Variants in ABL1 observed in about 807,000 individuals in gnomAD.
The protein encoded by ABL1 is tyrosine-protein kinase ABL1.
Under a neutral mutation model 94.7 loss-of-function variants are expected in ABL1, and 11 were observed. The observed-to-expected ratio is 0.12, with a 90% confidence interval of 0.07 to 0.19. The LOEUF is 0.19. Among genes scored for constraint, ABL1 ranks in the 10% least tolerant of loss-of-function variants. The probability of loss-of-function intolerance (pLI) is 1.00; values close to 1 mark genes in which losing one functional copy is unlikely to be tolerated. For synonymous variants in ABL1, 656 were observed against 622.4 expected, an observed-to-expected ratio of 1.05 and a Z score of -0.80; for missense variants, 1,082 against 1,489.4, an observed-to-expected ratio of 0.73 and a Z score of 4.50.
chr9:130,823,409 A>G (rs940963970), intron 1 of ABL1, among the ~76,000 whole-genome samples: 1 of 152,212 alleles, frequency 6.6e-6, no homozygotes, highest in African/African-American at 2.4e-5. Flanking sequence ...ACCTTTTAAC[A>G]TTATTACCAT....
At chr9:130,786,582 A>G (rs1214034404) in intron 1 of ABL1, among the ~76,000 whole-genome samples, 1 of 152,194 alleles carries the variant, frequency 6.6e-6, no homozygotes, top group Non-Finnish European at 1.5e-5. Context: ...CGGGCAGGGA[A>G]GTGATGATAC....
intron 1 of ABL1, among the ~76,000 whole-genome samples, chr9:130,734,283 G>A (rs1450881829): frequency 1.3e-5 from 2 of 149,302 alleles, no homozygotes; most frequent in African/African-American, 5.0e-5. Context: ...GCGCGATCTC[G>A]GCTCACTGCC....
At chr9:130,771,752 C>CTTTTTTT (rs57339049) in intron 1 of ABL1, among the ~76,000 whole-genome samples, 1 of 106,882 alleles carries the variant, frequency 9.4e-6, no homozygotes, top group Non-Finnish European at 1.9e-5. Flanking sequence ...TTCTTTCTTT[C>CTTTTTTT]TTTTTTTTTT....
At chr9:130,737,831 CTTTT>C (rs55666318) in intron 1 of ABL1, among the ~76,000 whole-genome samples, 3 of 134,552 alleles carry the variant, frequency 2.2e-5, no homozygotes, top group Non-Finnish European at 1.6e-5. Context: ...AGAACAGTGT[CTTTT>C]TTTTTTTTTT....
At chr9:130,795,957 C>T (rs528053568) in intron 1 of ABL1, among the ~76,000 whole-genome samples, 4 of 152,142 alleles carry the variant, frequency 2.6e-5, no homozygotes, top group East Asian at 1.9e-4. Flanking sequence ...TTTGGGAGGC[C>T]GAGGCTGGCG....
At chr9:130,821,039 C>T (rs1830354474) in intron 1 of ABL1, among the ~76,000 whole-genome samples, 1 of 152,086 alleles carries the variant, frequency 6.6e-6, no homozygotes, top group African/African-American at 2.4e-5. Context: ...AAGCGATTCT[C>T]CTGCCTCAGC....
At chr9:130,838,983 C>T (rs953676697) in intron 1 of ABL1, among the ~76,000 whole-genome samples, 1 of 152,150 alleles carries the variant, frequency 6.6e-6, no homozygotes, top group Non-Finnish European at 1.5e-5. Flanking sequence ...AATCACAGCT[C>T]ACTGCAGCCT....
At chr9:130,718,105 G>A (rs1831467847) in intron 1 of ABL1, among the ~76,000 whole-genome samples, 2 of 151,820 alleles carry the variant, frequency 1.3e-5, no homozygotes, top group South Asian at 4.1e-4. Context: ...ATCACTTGAG[G>A]TCAGTAGTTC....
chr9:130,784,259 A>C (rs1829798003), intron 1 of ABL1, among the ~76,000 whole-genome samples: 1 of 152,242 alleles, frequency 6.6e-6, no homozygotes, highest in Admixed American at 6.5e-5. Flanking sequence ...CTACGAATAT[A>C]CAAATTTCTG....
At chr9:130,795,368 GT>G (rs538914634) in intron 1 of ABL1, among the ~76,000 whole-genome samples, 123 of 152,298 alleles carry the variant, frequency 8.1e-4, no homozygotes, top group Admixed American at 2.2e-3. Flanking sequence ...AGAATAGTCT[GT>G]TCCTTGTAGC....
intron 1 of ABL1, among the ~76,000 whole-genome samples, chr9:130,767,594 A>G (rs1038911920): frequency 6.6e-5 from 10 of 152,158 alleles, no homozygotes; most frequent in Admixed American, 5.9e-4. Flanking sequence ...GGGCCCTCCA[A>G]AGTGCTGGGA....
intron 4 of ABL1, among the ~76,000 whole-genome samples, chr9:130,868,473 G>A (rs917379367): frequency 6.6e-6 from 1 of 151,276 alleles, no homozygotes; most frequent in Non-Finnish European, 1.5e-5. Flanking sequence ...TTGAAAGCCT[G>A]CTACACAGAA....
intron 1 of ABL1, among the ~76,000 whole-genome samples, chr9:130,750,615 A>G (rs1831950632): frequency 7.2e-6 from 1 of 138,776 alleles, no homozygotes; most frequent in Admixed American, 7.4e-5. Context: ...CTGACCTAAC[A>G]TGGTTCTTTT....
chr9:130,766,072 GA>G (rs1832179027), intron 1 of ABL1, among the ~76,000 whole-genome samples: 1 of 152,180 alleles, frequency 6.6e-6, no homozygotes. Flanking sequence ...CATCGCCCAC[GA>G]CCTGTTTCCC....
intron 1 of ABL1, among the ~76,000 whole-genome samples, chr9:130,720,318 A>C (rs1323516667): frequency 6.6e-6 from 1 of 152,202 alleles, no homozygotes; most frequent in Admixed American, 6.5e-5. Context: ...AATTTTAGTT[A>C]GGGTGGCTAG....
chr9:130,811,722 A>G, intron 1 of ABL1, among the ~76,000 whole-genome samples: 1 of 152,008 alleles, frequency 6.6e-6, no homozygotes. Flanking sequence ...CAGCCTGACC[A>G]ACAGGGTGAA....
At chr9:130,715,990 C>T (rs559430897) in intron 1 of ABL1, among the ~76,000 whole-genome samples, 1 of 150,628 alleles carries the variant, frequency 6.6e-6, no homozygotes, top group East Asian at 1.9e-4. Flanking sequence ...TTCTTCATGA[C>T]GTGCACTCAC....
intron 4 of ABL1, among the ~76,000 whole-genome samples, chr9:130,864,348 G>A (rs7021981): frequency 1.3e-5 from 2 of 152,008 alleles, no homozygotes; most frequent in African/African-American, 2.4e-5. Context: ...CCAAATTGGC[G>A]ATTCTCCTTC....
intron 1 of ABL1, among the ~76,000 whole-genome samples, chr9:130,793,957 C>T (rs1829941235): frequency 6.6e-6 from 1 of 152,170 alleles, no homozygotes; most frequent in Non-Finnish European, 1.5e-5. Context: ...CTGAGGATCT[C>T]TCATTGTCTC....
Sources: allele counts gnomAD v4.1 joint callset (sites outside exome capture counted in the v4.1 genomes callset), GRCh38; gene constraint gnomAD v4.1.1; transcripts MANE v1.5; gene names NCBI Gene and HGNC (gene_info 2026-07-23, HGNC 2026-07-21).